PRKG2: variants seen among roughly 807,000 people sequenced by gnomAD.
PRKG2 encodes cGMP-dependent protein kinase 2.
Under a neutral mutation model 97.2 loss-of-function variants are expected in PRKG2, and 33 were observed. The ratio of observed to expected loss-of-function variants is 0.34; its 90% CI spans 0.26 to 0.45. The LOEUF is 0.45. PRKG2 is among the 20% of genes least tolerant of loss of function. The pLI, the probability that PRKG2 is intolerant of heterozygous loss-of-function variation, is 1.00. For missense variants in PRKG2, 638 were observed against 900.0 expected, an observed-to-expected ratio of 0.71 and a Z score of 3.73; for synonymous variants, 330 against 321.8, an observed-to-expected ratio of 1.03 and a Z score of -0.27.
Position 81,144,272 on chromosome 4 carries a change from C to T in PRKG2, c.1213G>A (p.Val405Met). 6.2e-7 allele frequency: 1 copy of T among 1,612,482 alleles called. No homozygotes were observed. Among genetic ancestry groups the T allele is most frequent in the South Asian group, 1.1e-5 (1 of 91,008 alleles). ...TCATCATCACGGTTCAGGTTTGCCA[C>T]ATATCCTTCAAGGTATTTTTGCAGC... ...EELQKYLEGY[V>M]ANLNRDDEKR... The change falls in exon 10 of 19, where the codon GTG becomes ATG. Residue 405 changes from valine to methionine, a missense_variant. Physicochemically the swap from Val to Met is conservative, Grantham distance 21 (BLOSUM62 1). Around this residue, in one of 3 missense-constraint regions of PRKG2, gnomAD observed 304 missense variants for 460.5 expected, o/e 0.66. Coordinates refer to ENST00000264399, the MANE Select transcript of PRKG2 (RefSeq NM_006259.3).
chr4:81,169,639 T>C, intron 5 of PRKG2, 24 bp downstream of exon 5: 1 of 1,494,590 alleles, frequency 6.7e-7, no homozygotes, highest in Non-Finnish European at 9.3e-7. Flanking sequence ...CTGTCTTCAC[T>C]GTCTCCCAAT....
At chr4:81,138,651 A>G (rs1746956588) in intron 12 of PRKG2, among the ~76,000 whole-genome samples, 1 of 152,138 alleles carries the variant, frequency 6.6e-6, no homozygotes, top group South Asian at 2.1e-4. Flanking sequence ...ATAGCTTAGA[A>G]CAGCACCTGG....
intron 2 of PRKG2, among the ~76,000 whole-genome samples, chr4:81,189,941 T>C (rs1752333157): frequency 6.6e-6 from 1 of 152,058 alleles, no homozygotes; most frequent in East Asian, 1.9e-4. Flanking sequence ...CACAAACAAA[T>C]GGAAAAACAT....
chr4:81,147,601 G>C (rs1040534961), intron 9 of PRKG2, among the ~76,000 whole-genome samples: 1 of 152,096 alleles, frequency 6.6e-6, no homozygotes, highest in African/African-American at 2.4e-5. Flanking sequence ...ACTGCATAGT[G>C]ATTGCTCCTC....
At chr4:81,214,751 C>T (rs1031881586) in intron 1 of PRKG2, among the ~76,000 whole-genome samples, 185 bp downstream of exon 1, 1 of 152,186 alleles carries the variant, frequency 6.6e-6, no homozygotes, top group African/African-American at 2.4e-5. Context: ...GCTGCCACAC[C>T]GAGCGAATGC....
chr4:81,176,889 A>G (rs557632582), intron 2 of PRKG2, among the ~76,000 whole-genome samples: 11 of 147,356 alleles, frequency 7.5e-5, no homozygotes, highest in South Asian at 2.1e-4. Context: ...TTGTCCATAG[A>G]AAAAAAAAAT....
At chr4:81,201,169 C>T (rs1049759435) in intron 2 of PRKG2, among the ~76,000 whole-genome samples, 1 of 152,126 alleles carries the variant, frequency 6.6e-6, no homozygotes, top group African/African-American at 2.4e-5. Context: ...GTAGAGTAGG[C>T]AATAGACATG....
intron 11 of PRKG2, among the ~76,000 whole-genome samples, chr4:81,141,339 G>A (rs1474128440): frequency 1.3e-5 from 2 of 151,798 alleles, no homozygotes; most frequent in African/African-American, 2.4e-5. Context: ...CATCCAATAT[G>A]GTAACTGCAA....
intron 2 of PRKG2, among the ~76,000 whole-genome samples, chr4:81,190,467 A>G (rs1270025484): frequency 6.6e-6 from 1 of 152,180 alleles, no homozygotes; most frequent in South Asian, 2.1e-4. Flanking sequence ...ACTTAAATAT[A>G]AGACCTAAAA....
At chr4:81,095,543 A>G (rs1214634893) in intron 17 of PRKG2, among the ~76,000 whole-genome samples, 3 of 152,214 alleles carry the variant, frequency 2.0e-5, no homozygotes, top group African/African-American at 7.2e-5. Flanking sequence ...CAAACAGCCC[A>G]TGTGTTGCTT....
intron 1 of PRKG2, among the ~76,000 whole-genome samples, chr4:81,212,011 A>C (rs1308976681): frequency 6.6e-6 from 1 of 152,220 alleles, no homozygotes; most frequent in Non-Finnish European, 1.5e-5. Context: ...ATAATTGAAT[A>C]TATAAATCCC....
intron 14 of PRKG2, among the ~76,000 whole-genome samples, chr4:81,119,487 A>G (rs1744865799): frequency 6.6e-6 from 1 of 152,078 alleles, no homozygotes; most frequent in African/African-American, 2.4e-5. Flanking sequence ...CCTTTTGTCA[A>G]TTCCACACTG....
chr4:81,131,909 C>T (rs980720), intron 14 of PRKG2, among the ~76,000 whole-genome samples: 13,384 of 151,938 alleles, frequency 0.088, 731 homozygotes, highest in Middle Eastern at 0.2. Context: ...AAGTGTTTAT[C>T]GACCCTTCTA....
chr4:81,110,056 A>G (rs968991680), intron 15 of PRKG2, among the ~76,000 whole-genome samples: 1 of 152,202 alleles, frequency 6.6e-6, no homozygotes, highest in Non-Finnish European at 1.5e-5. Flanking sequence ...TAATTGATCA[A>G]TGGATTTAAC....
At position 81,118,527 on chromosome 4, in the gene PRKG2, T is replaced by A. The variant is rs148535790; in HGVS notation, c.1777-7916A>T. Among the ~76,000 whole-genome samples, 3 of 152,330 alleles carry A rather than the reference T, an allele frequency of 2.0e-5. No homozygotes were observed. In the East Asian group the frequency reaches 5.8e-4, roughly 29 times the overall value. On this transcript the variant is annotated intron_variant, in intron 14 of 18. Transcript: ENST00000264399. ...TGTAGTGGTATCTCATTGCTTTGAT[T>A]TGCAATTCCCGAAAGACTCATGATT...
At chr4:81,137,917 G>A (rs550568679) in intron 12 of PRKG2, among the ~76,000 whole-genome samples, 83 of 152,164 alleles carry the variant, frequency 5.5e-4, no homozygotes, top group Admixed American at 1.1e-3. Flanking sequence ...TCCCCTAGTT[G>A]GTTAATTGAT....
intron 17 of PRKG2, 21 bp from the exon 18 acceptor site, chr4:81,092,473 G>GAAGA (rs1741657768): frequency 1.6e-6 from 1 of 632,730 alleles, no homozygotes; most frequent in East Asian, 2.7e-5. Flanking sequence ...AGAAAGGAAG[G>GAAGA]AAGGAAGGAA....
chr4:81,159,761 A>G (rs957066034), intron 6 of PRKG2, among the ~76,000 whole-genome samples: 9 of 151,846 alleles, frequency 5.9e-5, no homozygotes, highest in African/African-American at 1.7e-4. Flanking sequence ...CATATACACC[A>G]TGGAATACTA....
chr4:81,131,957 T>C (rs1746224281), intron 14 of PRKG2, among the ~76,000 whole-genome samples: 1 of 152,154 alleles, frequency 6.6e-6, no homozygotes. Flanking sequence ...AGAATAAACA[T>C]CTCCATTTCT....
Sources: allele counts gnomAD v4.1 joint callset (sites outside exome capture counted in the v4.1 genomes callset), GRCh38; gene constraint gnomAD v4.1.1; regional missense constraint gnomAD v4.1.1; transcripts MANE v1.5; gene names NCBI Gene and HGNC (gene_info 2026-07-23, HGNC 2026-07-21).